The following CALD1 variants were observed in gnomAD, a reference collection of about 807,000 sequenced individuals.
CALD1 encodes caldesmon.
A neutral mutation model predicts 99.9 loss-of-function variants in CALD1; 33 were observed. The ratio of observed to expected loss-of-function variants is 0.33; its 90% CI spans 0.25 to 0.44. CALD1 has a LOEUF of 0.44. Ranked by LOEUF, CALD1 falls within the 20% of genes least tolerant of loss-of-function variation. The pLI is 1.00. For synonymous variants in CALD1, 310 were observed against 325.0 expected (o/e 0.95, Z 0.50); for missense variants, 861 against 962.1 (o/e 0.89, Z 1.39).
chr7:134,805,482 A>C (rs1798100511), intron 1 of CALD1, among the ~76,000 whole-genome samples: 1 of 152,022 alleles, frequency 6.6e-6, no homozygotes, highest in African/African-American at 2.4e-5. Flanking sequence ...GTAGTTCTCT[A>C]TGCCCCTGGA....
chr7:134,863,227 T>C (rs1056918027), intron 2 of CALD1, among the ~76,000 whole-genome samples: 1 of 152,170 alleles, frequency 6.6e-6, no homozygotes, highest in African/African-American at 2.4e-5. Context: ...CTCTATTCGC[T>C]TTTTTTCTGC....
intron 4 of CALD1, among the ~76,000 whole-genome samples, chr7:134,931,794 A>C (rs1210841489): frequency 6.6e-6 from 1 of 152,244 alleles, no homozygotes; most frequent in Non-Finnish European, 1.5e-5. Context: ...AATAAATGTC[A>C]AATTTAACTG....
intron 1 of CALD1, among the ~76,000 whole-genome samples, chr7:134,813,716 G>T (rs1474424268): frequency 6.6e-6 from 1 of 152,204 alleles, no homozygotes; most frequent in Non-Finnish European, 1.5e-5. Flanking sequence ...TTGGACTTGG[G>T]AAACAGCAGA....
chr7:134,874,197 A>G (rs569605420), intron 3 of CALD1, among the ~76,000 whole-genome samples: 253 of 148,526 alleles, frequency 1.7e-3, no homozygotes, highest in African/African-American at 6.0e-3. Context: ...TTTTGTTTTC[A>G]TTTTTGTTTT....
chr7:134,752,705 A>T (rs575468794), intron 1 of CALD1, among the ~76,000 whole-genome samples: 81 of 152,330 alleles, frequency 5.3e-4, no homozygotes, highest in African/African-American at 1.9e-3. Flanking sequence ...CGATTATCAA[A>T]AATACACTTT....
rs145835307 is a variant in CALD1 at position 134,934,081 on chromosome 7, C to T, written c.1308+4C>T. On this transcript the variant is annotated splice_donor_region_variant and intron_variant, in intron 5 of 14. Coordinates refer to ENST00000361675, the MANE Select transcript of CALD1 (RefSeq NM_033138.4). ...GACAGCTGTCCTAAAGAAACAGGTA[C>T]AGTAAACATTTTGCACCAAATGTGT... is the stretch of plus-strand genomic sequence containing the variant. 6.8e-5 allele frequency: 108 copies of T among 1,597,978 alleles called. No homozygotes were observed. The African/African-American group carries it at 1.2e-3, about 17-fold the overall frequency.
intron 3 of CALD1, among the ~76,000 whole-genome samples, chr7:134,905,239 C>T (rs577194797): frequency 6.6e-6 from 1 of 152,184 alleles, no homozygotes; most frequent in South Asian, 2.1e-4. Flanking sequence ...ATTTAATTTC[C>T]ATCATGATGA....
intron 2 of CALD1, chr7:134,866,821 A>C (rs1800821744): frequency 6.6e-6 from 1 of 152,228 alleles, no homozygotes; most frequent in Non-Finnish European, 1.5e-5. Flanking sequence ...TAAATGCCAG[A>C]TTCCAGGCTG....
intron 1 of CALD1, 93 bp from the exon 2 acceptor site, chr7:134,843,791 T>C (rs1461703058): frequency 6.6e-6 from 1 of 152,220 alleles, no homozygotes; most frequent in Non-Finnish European, 1.5e-5. Context: ...CTAACAACAG[T>C]ACTTGAGGAA....
At chr7:134,917,035 A>C (rs918035535) in intron 3 of CALD1, among the ~76,000 whole-genome samples, 4 of 152,240 alleles carry the variant, frequency 2.6e-5, no homozygotes, top group African/African-American at 9.6e-5. Flanking sequence ...AAATGTGAGA[A>C]TATCCCTACA....
intron 1 of CALD1, among the ~76,000 whole-genome samples, chr7:134,750,667 C>G (rs185267619): frequency 1.3e-5 from 2 of 152,268 alleles, no homozygotes; most frequent in Admixed American, 1.3e-4. Flanking sequence ...CCACCAAATT[C>G]TCTAGCACAT....
At chr7:134,832,370 T>G (rs1799265764) in intron 1 of CALD1, among the ~76,000 whole-genome samples, 1 of 152,192 alleles carries the variant, frequency 6.6e-6, no homozygotes, top group African/African-American at 2.4e-5. Context: ...TAGTGGGTGG[T>G]GGGAGAGCCC....
At chr7:134,851,711 A>G (rs776145705) in intron 2 of CALD1, among the ~76,000 whole-genome samples, 1 of 152,154 alleles carries the variant, frequency 6.6e-6, no homozygotes, top group Non-Finnish European at 1.5e-5. Context: ...CTTACCAACC[A>G]TGATGGAGAG....
At chr7:134,967,918 C>T (rs1177806859) in intron 14 of CALD1, among the ~76,000 whole-genome samples, 2 of 152,066 alleles carry the variant, frequency 1.3e-5, no homozygotes, top group African/African-American at 4.8e-5. Flanking sequence ...CCGAGGCAGG[C>T]AGATCACTGG....
At chr7:134,742,485 C>T (rs1009625552), upstream of CALD1, among the ~76,000 whole-genome samples, 16 of 152,228 alleles carry the variant, frequency 1.1e-4, no homozygotes, top group African/African-American at 3.6e-4. Context: ...GGAATGTGCT[C>T]GAAGTCCTGT....
At chr7:134,780,510 T>A (rs1797064487) in intron 1 of CALD1, among the ~76,000 whole-genome samples, 1 of 152,184 alleles carries the variant, frequency 6.6e-6, no homozygotes, top group African/African-American at 2.4e-5. Flanking sequence ...AAAGTGTGCC[T>A]GAGTGTGTCT....
chr7:134,722,873 T>G, the CALD1 span, among the ~76,000 whole-genome samples: 3 of 152,166 alleles, frequency 2.0e-5, no homozygotes, highest in African/African-American at 7.2e-5. Context: ...CAGCTTTTCT[T>G]TGAATTTAGG....
intron 1 of CALD1, among the ~76,000 whole-genome samples, chr7:134,798,320 G>A (rs1422303590): frequency 1.3e-5 from 2 of 152,156 alleles, no homozygotes; most frequent in Non-Finnish European, 2.9e-5. Context: ...CCTTGAGACC[G>A]TTAGCAGATT....
the CALD1 span, among the ~76,000 whole-genome samples, chr7:134,727,928 T>C: frequency 6.6e-6 from 1 of 152,180 alleles, no homozygotes; most frequent in African/African-American, 2.4e-5. Flanking sequence ...ATGAGTAGAT[T>C]TTAGTCAGAC....
Sources: gnomAD v4.1 joint callset for allele counts (sites outside exome capture counted in the v4.1 genomes callset) on GRCh38, gnomAD v4.1.1 for gene constraint, MANE v1.5 for transcripts, NCBI Gene and HGNC (gene_info 2026-07-23, HGNC 2026-07-21) for gene names.